The following NDNF variants were observed in gnomAD, a reference collection of about 807,000 sequenced individuals.
NDNF encodes protein NDNF.
A neutral mutation model predicts 42.0 loss-of-function variants in NDNF; 16 were observed. The ratio of observed to expected loss-of-function variants is 0.38; its 90% CI spans 0.26 to 0.58. The LOEUF (loss-of-function observed/expected upper bound fraction) is 0.58. Ranked by LOEUF, NDNF falls within the 20% of genes least tolerant of loss-of-function variation. The pLI is 0.67. For missense variants in NDNF, 616 were observed against 666.2 expected (o/e 0.92, Z 0.83); for synonymous variants, 248 against 251.7 (o/e 0.99, Z 0.14).
intron 3 of NDNF, 42 bp downstream of exon 3, chr4:121,039,888 A>G (rs1002696019): frequency 1.3e-6 from 2 of 1,589,668 alleles, no homozygotes; most frequent in African/African-American, 2.7e-5. Context: ...CATTAAAACC[A>G]TCCATTCAAA....
chr4:121,048,243 T>G (rs1028795187), intron 1 of NDNF, among the ~76,000 whole-genome samples: 8 of 152,220 alleles, frequency 5.3e-5, no homozygotes, highest in Admixed American at 5.2e-4. Flanking sequence ...ATAGCTAGAA[T>G]TTCGCTTTCT....
rs1175215245 is a variant in NDNF, at chr4:121,045,734, C to A, written c.104G>T (p.Arg35Leu). ...RDEELFQMQI[R>L]DKAFFHDSSV... ...CGAATCATGAAAAAATGCCTTGTCC[C>A]GGATCTGCATCTGAAAAAGTTCCTC... The change falls in exon 2 of 4, where the codon CGG (arginine) becomes CTG (leucine). Residue 35 changes from arginine to leucine, a missense_variant. Physicochemically the swap from Arg to Leu is moderately radical, Grantham distance 102. Coordinates refer to ENST00000379692, the MANE Select transcript of NDNF (RefSeq NM_024574.4). 1 of 1,614,138 alleles carries A rather than the reference C, an allele frequency of 6.2e-7. No homozygotes were observed. The highest frequency in any genetic ancestry group is 8.5e-7 in the Non-Finnish European group (1 of 1,180,022).
rs1726894460 is a variant in NDNF, at chr4:121,037,383, C to A, written c.588G>T (p.Trp196Cys). The A allele has an allele frequency of 6.2e-7, 1 of 1,614,006 alleles. No individual in the cohort carries two copies. Among genetic ancestry groups the A allele is most frequent in the African/African-American group, 1.3e-5 (1 of 74,906 alleles). Reference protein sequence around the residue: ...SLGRTTVTLAWKPSPTASLLK... With the variant: ...SLGRTTVTLACKPSPTASLLK... ...GCAAAGAGGCAGTGGGGCTTGGTTT[C>A]CAGGCCAAAGTGACCGTGGTGCGCC... is the stretch of plus-strand genomic sequence containing the variant. Residue 196 changes from tryptophan (W) to cysteine (C), a missense_variant, in exon 4 of 4, where the codon TGG (tryptophan) becomes TGT (cysteine). Physicochemically the swap from Trp to Cys is radical, Grantham distance 215 (BLOSUM62 -2). Transcript: ENST00000379692.
chr4:121,057,693 C>T (rs1311643956), intron 1 of NDNF, among the ~76,000 whole-genome samples: 17 of 152,200 alleles, frequency 1.1e-4, no homozygotes, highest in Admixed American at 6.5e-4. Context: ...CTGACAAAGC[C>T]ATTCCACTGA....
intron 2 of NDNF, among the ~76,000 whole-genome samples, chr4:121,042,613 A>C (rs1386859366): frequency 1.3e-5 from 2 of 152,194 alleles, no homozygotes; most frequent in African/African-American, 2.4e-5. Flanking sequence ...TTGTGAGTAG[A>C]ATTTTGTCCC....
At chr4:121,039,200 A>G (rs1451980126) in intron 3 of NDNF, among the ~76,000 whole-genome samples, 13 of 24,054 alleles carry the variant, frequency 5.4e-4, no homozygotes, top group African/African-American at 6.3e-4. Flanking sequence ...GTGTATATAT[A>G]TATATATATA....
chr4:121,050,606 G>C (rs1012044677), intron 1 of NDNF, among the ~76,000 whole-genome samples: 2 of 152,112 alleles, frequency 1.3e-5, no homozygotes, highest in Non-Finnish European at 1.5e-5. Context: ...AGATCAACTT[G>C]GTTGCACAGT....
At chr4:121,038,708 C>A (rs1024755520) in intron 3 of NDNF, among the ~76,000 whole-genome samples, 7 of 151,988 alleles carry the variant, frequency 4.6e-5, no homozygotes, top group Non-Finnish European at 1.0e-4. Flanking sequence ...AAGATTTGGC[C>A]AGGTGCGGTG....
intron 1 of NDNF, among the ~76,000 whole-genome samples, chr4:121,064,017 CT>C (rs2148772069): frequency 6.6e-6 from 1 of 152,280 alleles, no homozygotes; most frequent in Non-Finnish European, 1.5e-5. Context: ...CAATTATGGT[CT>C]TGTGGATTTA....
chr4:121,039,738 T>C (rs1395990140), intron 3 of NDNF, among the ~76,000 whole-genome samples, 192 bp downstream of exon 3: 2 of 152,214 alleles, frequency 1.3e-5, no homozygotes, highest in Non-Finnish European at 2.9e-5. Context: ...CTGTCTCTCC[T>C]AACCTTTTAT....
intron 1 of NDNF, among the ~76,000 whole-genome samples, chr4:121,070,957 C>T (rs535240149): frequency 5.9e-5 from 9 of 152,060 alleles, no homozygotes; most frequent in Non-Finnish European, 8.8e-5. Flanking sequence ...GGGGCGGGTC[C>T]GGGGAACTGC....
chr4:121,039,208 A>AAAGACCATGTATGTG (rs1321895629), intron 3 of NDNF, among the ~76,000 whole-genome samples: 1 of 93,796 alleles, frequency 1.1e-5, no homozygotes, highest in Non-Finnish European at 2.1e-5. Flanking sequence ...ATATATATAT[A>AAAGACCATGTATGTG]TATATATATA....
Position 121,037,437 on chromosome 4 carries a change from A to G in NDNF, c.534T>C (p.Tyr178=), listed in dbSNP as rs1726896428. 6.2e-7 allele frequency: 1 copy of G among 1,614,156 alleles called. No individual in the cohort carries two copies. Among genetic ancestry groups the G allele is most frequent in the Admixed American group, 1.7e-5 (1 of 60,008 alleles). ...ESDQPYPELP[Y]DPRVDVTSLG... is the part of the protein sequence containing the mutation. Reference sequence around the variant, plus strand: ...GTGAGGTCACATCTACTCTTGGGTCATAGGGTAACTCAGGGTATGGCTGAT... The same window carrying G: ...GTGAGGTCACATCTACTCTTGGGTCGTAGGGTAACTCAGGGTATGGCTGAT... The change falls in exon 4 of 4, where the codon TAT becomes TAC. Residue 178 remains tyrosine, a synonymous_variant. Transcript: ENST00000379692.
Position 121,036,390 on chromosome 4 carries a change from C to T in NDNF, c.1581G>A (p.Val527=). Reference sequence around the variant, plus strand: ...GAAGACCTTTAATTGTTTCTGTGGTCACTGCTTTCTGCAGGTTTTGACTGT... The same window carrying T: ...GAAGACCTTTAATTGTTTCTGTGGTTACTGCTTTCTGCAGGTTTTGACTGT... The part of the protein sequence containing the change: ...YFHSQNLQKA[V]TTETIKGLQP... Residue 527 remains valine, a synonymous_variant, in exon 4 of 4, where the codon GTG becomes GTA. Transcript: ENST00000379692. 1 of 1,614,152 alleles carries T rather than the reference C, an allele frequency of 6.2e-7. No individual in the cohort carries two copies. Among genetic ancestry groups the T allele is most frequent in the East Asian group, 2.2e-5 (1 of 44,886 alleles).
At chr4:121,040,532 G>A (rs564741194) in intron 2 of NDNF, among the ~76,000 whole-genome samples, 64 of 152,284 alleles carry the variant, frequency 4.2e-4, no homozygotes, top group Non-Finnish European at 3.5e-4. Context: ...TATTTCAAAA[G>A]AACATTTTCA....
chr4:121,049,203 G>C (rs1727147590), intron 1 of NDNF, among the ~76,000 whole-genome samples: 1 of 152,114 alleles, frequency 6.6e-6, no homozygotes, highest in African/African-American at 2.4e-5. Flanking sequence ...ATTCTCCATG[G>C]GTCTCTGTGT....
At chr4:121,065,230 T>C (rs1727479837) in intron 1 of NDNF, among the ~76,000 whole-genome samples, 1 of 152,154 alleles carries the variant, frequency 6.6e-6, no homozygotes, top group Non-Finnish European at 1.5e-5. Context: ...TATTAAGTAA[T>C]ATTCACAAAA....
At chr4:121,069,406 T>A (rs1560611858) in intron 1 of NDNF, among the ~76,000 whole-genome samples, 1 of 152,256 alleles carries the variant, frequency 6.6e-6, no homozygotes, top group African/African-American at 2.4e-5. Flanking sequence ...AAGCTGTATC[T>A]GCAAGTGATT....
chr4:121,036,569 C>A lies in NDNF; in HGVS notation c.1402G>T (p.Ala468Ser), dbSNP rs767760684. The change falls in exon 4 of 4, where the codon GCT becomes TCT. Residue 468 changes from alanine to serine, a missense_variant. Physicochemically the swap from Ala to Ser is moderately conservative, Grantham distance 99. Transcript: ENST00000379692. The stretch of plus-strand genomic sequence containing the variant: ...TTCCTTTCCTGAGTGCCTAGCCAAG[C>A]CACGGTGGCTGAGGAACAGGTACGG... ...KLRTCSSATV[A>S]WLGTQERNKF... The A allele has an allele frequency of 2.5e-6, 4 of 1,614,110 alleles. No individual in the cohort carries two copies. The highest frequency in any genetic ancestry group is 3.4e-6 in the Non-Finnish European group (4 of 1,180,000).
Sources: gnomAD v4.1 joint callset for allele counts (sites outside exome capture counted in the v4.1 genomes callset) on GRCh38, gnomAD v4.1.1 for gene constraint, MANE v1.5 for transcripts, NCBI Gene and HGNC (gene_info 2026-07-23, HGNC 2026-07-21) for gene names.